The following EIF2B4 variants were observed in gnomAD, a reference collection of about 807,000 sequenced individuals.
EIF2B4 encodes the protein eukaryotic translation initiation factor 2B subunit delta.
In EIF2B4, 34 loss-of-function variants were observed where a neutral mutation model predicts 66.7. The observed-to-expected ratio is 0.51, with a 90% CI of 0.39 to 0.68. The LOEUF is 0.68. Ranked by LOEUF, EIF2B4 falls within the 30% of genes least tolerant of loss-of-function variation. The pLI is 0.00. For missense variants in EIF2B4, 618 were observed against 657.9 expected, an observed-to-expected ratio of 0.94 and a Z score of 0.66; for synonymous variants, 278 against 253.6, an observed-to-expected ratio of 1.10 and a Z score of -0.92.
intron 2 of EIF2B4, 53 bp downstream of exon 2, chr2:27,369,823 A>G (rs1357195982): frequency 7.2e-6 from 11 of 1,535,506 alleles, no homozygotes; most frequent in Non-Finnish European, 9.7e-6. Context: ...TAAAGCTGGC[A>G]CAGCCTCCTG....
intron 11 of EIF2B4, 152 bp from the exon 12 acceptor site, chr2:27,365,050 T>A: frequency 9.3e-6 from 7 of 756,208 alleles, no homozygotes; most frequent in South Asian, 1.7e-5. Flanking sequence ...CAACAAGTAA[T>A]AAATCTTTTT....
Position 27,369,135 on chromosome 2 carries a change from T to C in EIF2B4, c.289A>G (p.Lys97Glu). ...CGACGCTCAGCCCGAAGTTCGGCCT[T>C]ACTCCGACCAGCTGGAACTTTCTCC... is the stretch of plus-strand genomic sequence containing the variant. ...PREKVPAGRS[K>E]AELRAERRAK... The change falls in exon 4 of 13, where the codon AAG (lysine) becomes GAG (glutamate). Residue 97 changes from lysine to glutamate, a missense_variant. By Grantham distance (56) the Lys-to-Glu change is moderately conservative. This residue lies in a region of EIF2B4 where 506 missense variants were observed against 511.9 expected (regional missense o/e 0.99). Transcript: ENST00000347454. 6.2e-7 allele frequency: 1 copy of C among 1,614,016 alleles called. No individual in the cohort carries two copies. The highest frequency in any genetic ancestry group is 8.5e-7 in the Non-Finnish European group (1 of 1,180,010).
rs777436047 is a variant in EIF2B4 at position 27,369,582 on chromosome 2, C to T, written c.76-33G>A. 2.5e-6 allele frequency: 4 copies of T among 1,613,898 alleles called. No homozygotes were observed. The Admixed American group carries it at 5.0e-5, about 20-fold the overall frequency. On this transcript the variant is annotated intron_variant, in intron 2 of 12. Coordinates refer to ENST00000347454, the MANE Select transcript of EIF2B4 (RefSeq NM_001034116.2). ...ACAGACATAGGATACTGCTCTTCCC[C>T]AACAATTCCAAAGGGGAACAAATAC...
rs1238793897 is a variant in EIF2B4, at chr2:27,368,391, A to C, written c.571T>G (p.Ser191Ala). The C allele has an allele frequency of 6.2e-7, 1 of 1,613,782 alleles. No homozygotes were observed. Among genetic ancestry groups the C allele is most frequent in the African/African-American group, 1.3e-5 (1 of 74,920 alleles). The change falls in exon 6 of 13, where the codon TCT becomes GCT. Residue 191 changes from serine to alanine, a missense_variant. Ser to Ala is a moderately conservative substitution (Grantham distance 99). Around this residue, in one of 4 missense-constraint regions of EIF2B4, gnomAD observed 506 missense variants for 511.9 expected, o/e 0.99. Transcript: ENST00000347454. ...SHLPQYSRQN[S>A]LTQFMSIPSS... ...TCCTACCTCATAAACTGGGTCAGAGAGTTTTGTCTGCTGTACTGGGGTAGG... is the reference window on the plus strand; with the variant it reads ...TCCTACCTCATAAACTGGGTCAGAGCGTTTTGTCTGCTGTACTGGGGTAGG...
At position 27,364,386 on chromosome 2, in the gene EIF2B4, C is replaced by T. The variant is rs775212686; in HGVS notation, c.*14G>A. The stretch of plus-strand genomic sequence containing the variant: ...GTAGGGAGTATGGCATTTATTAACC[C>T]TGTGTTTCCCCCGTCACTGGTCACT... On this transcript the variant is annotated 3_prime_UTR_variant, in exon 13 of 13. Coordinates refer to ENST00000347454, the MANE Select transcript of EIF2B4 (RefSeq NM_001034116.2). 6.2e-7 allele frequency: 1 copy of T among 1,613,454 alleles called. No homozygotes were observed. Among genetic ancestry groups the T allele is most frequent in the African/African-American group, 1.3e-5 (1 of 75,008 alleles).
intron 11 of EIF2B4, chr2:27,365,188 C>G: frequency 5.3e-6 from 2 of 377,752 alleles, no homozygotes; most frequent in Non-Finnish European, 1.0e-5. Flanking sequence ...TCCCGAGTAG[C>G]TGGGATTACA....
rs904731151 is a variant in EIF2B4, at chr2:27,368,319, A to C, written c.590+53T>G. 1.0e-4 allele frequency: 153 copies of C among 1,510,400 alleles called. No homozygotes were observed. The Admixed American group carries it at 2.5e-3, about 24-fold the overall frequency. The allele number at this position is 1,510,400 out of a possible 1,614,324, so 93.6% of individuals were successfully genotyped here. A position where few individuals can be genotyped will look rare whatever the true frequency, so the allele number is the denominator to read the frequency against. On this transcript the variant is annotated intron_variant, in intron 6 of 12. Transcript: ENST00000347454. The stretch of plus-strand genomic sequence containing the variant: ...AGATTACTAGAAACTTTCAATACTG[A>C]CTTACTAAAACTCCTCAGACTCAAA...
chr2:27,369,945 T>C lies in EIF2B4; in HGVS notation c.32-26A>G. On this transcript the variant is annotated intron_variant, in intron 1 of 12. Coordinates refer to ENST00000347454, the MANE Select transcript of EIF2B4 (RefSeq NM_001034116.2). ...CTGCATCAGAAAACAGGGCACAAAGTGAGCCAGAGAGACTCCGGGAGGGTT... is the reference window on the plus strand; with the variant it reads ...CTGCATCAGAAAACAGGGCACAAAGCGAGCCAGAGAGACTCCGGGAGGGTT... 3 of 1,570,468 alleles carry C rather than the reference T, an allele frequency of 1.9e-6. No homozygotes were observed. In the East Asian group the frequency reaches 7.1e-5, roughly 37 times the overall value.
At chr2:27,368,828 G>A (rs759358033) in intron 4 of EIF2B4, 95 bp from the exon 5 acceptor site, 15 of 1,481,734 alleles carry the variant, frequency 1.0e-5, no homozygotes, top group East Asian at 2.3e-5. Flanking sequence ...AACAGGATGA[G>A]GTGGAGAAAA....
chr2:27,368,034 G>A lies in EIF2B4; in HGVS notation c.696C>T (p.Ala232=). 1.3e-6 allele frequency: 2 copies of A among 1,585,686 alleles called. No individual in the cohort carries two copies. Among genetic ancestry groups the A allele is most frequent in the Non-Finnish European group, 8.6e-7 (1 of 1,165,300 alleles). The change falls in exon 7 of 13, where the codon GCC becomes GCT. Residue 232 remains alanine (A), a synonymous_variant. Coordinates refer to ENST00000347454, the MANE Select transcript of EIF2B4 (RefSeq NM_001034116.2). ...ACAGGATGGGACATACCTGCTGCAA[G>A]GCACGAAGCAGGGCAATACACCGGG... The part of the protein sequence containing the change: ...SNARCIALLR[A]LQQVIQDYTT...
At chr2:27,369,375 C>T (rs1682160915) in intron 3 of EIF2B4, 39 bp downstream of exon 3, 1 of 1,613,512 alleles carries the variant, frequency 6.2e-7, no homozygotes, top group Non-Finnish European at 8.5e-7. Context: ...CCTCTACCAG[C>T]TCCACACCCC....
At chr2:27,368,232 G>C (rs1249093345) in intron 6 of EIF2B4, 93 bp from the exon 7 acceptor site, 2 of 1,310,950 alleles carry the variant, frequency 1.5e-6, no homozygotes, top group Non-Finnish European at 2.2e-6. Context: ...TTCACTAGCA[G>C]ATTTCCCCAC....
At chr2:27,367,051 CA>C in intron 10 of EIF2B4, 22 bp downstream of exon 10, 1 of 1,614,088 alleles carries the variant, frequency 6.2e-7, no homozygotes, top group Non-Finnish European at 8.5e-7. Context: ...CCAATCTGCT[CA>C]GTCACAAGGT....
At chr2:27,369,765 T>G in intron 2 of EIF2B4, 111 bp downstream of exon 2, 1 of 1,464,706 alleles carries the variant, frequency 6.8e-7, no homozygotes, top group South Asian at 1.3e-5. Context: ...TAAAATCTCC[T>G]GGCTTTACTG....
chr2:27,366,862 C>G lies in EIF2B4; in HGVS notation c.1088G>C (p.Ser363Thr), dbSNP rs201216936. 3.7e-6 allele frequency: 6 copies of G among 1,614,080 alleles called. No individual in the cohort carries two copies. The highest frequency in any genetic ancestry group is 4.2e-6 in the Non-Finnish European group (5 of 1,180,032). ...GRRFRVVVVDSRPWLEGRHTL... is the reference protein window; with the variant it reads ...GRRFRVVVVDTRPWLEGRHTL... ...GTGCCTTCCTTCCAGCCATGGCCGG[C>G]TGTCCACCACTACCACCCGAAACCG... is the stretch of plus-strand genomic sequence containing the variant. The change falls in exon 11 of 13, where the codon AGC becomes ACC. Residue 363 changes from serine (S) to threonine (T), a missense_variant. Ser to Thr is a moderately conservative substitution (Grantham distance 58). Around this residue, in one of 4 missense-constraint regions of EIF2B4, gnomAD observed 506 missense variants for 511.9 expected, o/e 0.99. Transcript: ENST00000347454.
chr2:27,368,039 G>A lies in EIF2B4; in HGVS notation c.691C>T (p.Arg231Cys), dbSNP rs1332104737. 11 of 1,589,508 alleles carry A rather than the reference G, an allele frequency of 6.9e-6. No individual in the cohort carries two copies. The highest frequency in any genetic ancestry group is 9.4e-6 in the Non-Finnish European group (11 of 1,167,454). The stretch of plus-strand genomic sequence containing the variant: ...ATGGGACATACCTGCTGCAAGGCAC[G>A]AAGCAGGGCAATACACCGGGCATTG... The part of the protein sequence containing the change: ...GSNARCIALL[R>C]ALQQVIQDYT... Residue 231 changes from arginine to cysteine, a missense_variant, in exon 7 of 13, where the codon CGT becomes TGT. By Grantham distance (180) the Arg-to-Cys change is radical. Transcript: ENST00000347454.
At chr2:27,369,849 G>A in intron 2 of EIF2B4, 27 bp downstream of exon 2, 1 of 1,561,954 alleles carries the variant, frequency 6.4e-7, no homozygotes. Context: ...CGCTTGGCAG[G>A]CGGCTTGGGA....
chr2:27,366,695 G>A, intron 11 of EIF2B4, 64 bp downstream of exon 11: 2 of 1,576,078 alleles, frequency 1.3e-6, no homozygotes, highest in East Asian at 2.2e-5. Context: ...GGGAAGGTGA[G>A]ATTATGTCTA....
intron 11 of EIF2B4, 120 bp downstream of exon 11, chr2:27,366,639 G>T: frequency 8.4e-7 from 1 of 1,196,436 alleles, no homozygotes; most frequent in South Asian, 1.2e-5. Context: ...TGATCACGTC[G>T]CTGCACTCCA....
Sources: gnomAD v4.1 joint callset for allele counts on GRCh38, gnomAD v4.1.1 for gene constraint, gnomAD v4.1.1 regional missense constraint, MANE v1.5 for transcripts, NCBI Gene and HGNC (gene_info 2026-07-23, HGNC 2026-07-21) for gene names.